Variants in CPNE4 observed in about 807,000 individuals in gnomAD.
The protein encoded by CPNE4 is copine-4.
A neutral mutation model predicts 67.9 loss-of-function variants in CPNE4; 25 were observed. The ratio of observed to expected loss-of-function variants is 0.37; its 90% CI spans 0.27 to 0.51. The LOEUF is 0.51. Ranked by LOEUF, CPNE4 falls within the 20% of genes least tolerant of loss-of-function variation. CPNE4 has a pLI of 0.93. For synonymous variants in CPNE4, 242 were observed against 244.9 expected (o/e 0.99, Z 0.11); for missense variants, 464 against 690.8 (o/e 0.67, Z 3.68).
intron 2 of CPNE4, among the ~76,000 whole-genome samples, chr3:131,839,694 G>C (rs2085698445): frequency 6.6e-6 from 1 of 151,944 alleles, no homozygotes; most frequent in African/African-American, 2.4e-5. Context: ...ACATGGGTTT[G>C]TCACAGCATA....
chr3:131,611,060 T>C (rs1032912083), intron 7 of CPNE4, among the ~76,000 whole-genome samples: 45 of 152,208 alleles, frequency 3.0e-4, no homozygotes, highest in African/African-American at 1.0e-3. Context: ...CCTGTTTTCT[T>C]ATAATCAGCA....
At chr3:131,595,937 A>G (rs1938816211) in intron 7 of CPNE4, among the ~76,000 whole-genome samples, 1 of 152,234 alleles carries the variant, frequency 6.6e-6, no homozygotes. Context: ...TACAATAGTC[A>G]AACTGATAGA....
chr3:131,993,472 C>A lies in CPNE4; in HGVS notation c.-2+41095G>T, dbSNP rs374947709. 7.9e-3 allele frequency among the ~76,000 whole-genome samples: 475 copies of A among 60,394 alleles called. 2 individuals carry two copies. The highest frequency in any genetic ancestry group is 9.8e-3 in the East Asian group (15 of 1,536). The allele number at this position is 60,394 out of a possible 152,430, so 39.6% of individuals were successfully genotyped here. ...ACCCTGATTTCGTGTGCAGGAGTGG[C>A]AAAAAAAAAAAAAAAAAGCATAGCT... On this transcript the variant is annotated intron_variant, in intron 1 of 15. Coordinates refer to ENST00000429747, the MANE Select transcript of CPNE4 (RefSeq NM_130808.3).
intron 1 of CPNE4, among the ~76,000 whole-genome samples, chr3:132,023,460 A>C (rs1485160313): frequency 6.6e-6 from 1 of 150,436 alleles, no homozygotes; most frequent in Non-Finnish European, 1.5e-5. Context: ...TTCAAAAGGC[A>C]ATTGCAAAGC....
At chr3:131,854,414 C>T (rs1397959092) in intron 2 of CPNE4, among the ~76,000 whole-genome samples, 1 of 151,830 alleles carries the variant, frequency 6.6e-6, no homozygotes. Flanking sequence ...GGTGATGAAA[C>T]TATTCTATAT....
intron 1 of CPNE4, among the ~76,000 whole-genome samples, chr3:131,952,144 A>G (rs1461599677): frequency 6.9e-6 from 1 of 145,510 alleles, no homozygotes; most frequent in Non-Finnish European, 1.5e-5. Context: ...CCGCCATCAC[A>G]TCTAGGAAGT....
intron 2 of CPNE4, among the ~76,000 whole-genome samples, chr3:131,848,666 CAAA>C (rs10565807): frequency 8.9e-4 from 124 of 139,998 alleles, no homozygotes; most frequent in Admixed American, 2.1e-3. Context: ...AATGTGCATC[CAAA>C]AAAAAAAAAA....
At chr3:131,545,200 C>T (rs1935756739) in intron 14 of CPNE4, among the ~76,000 whole-genome samples, 1 of 152,086 alleles carries the variant, frequency 6.6e-6, no homozygotes, top group Admixed American at 6.6e-5. Context: ...TTTAATGTCA[C>T]AAAATCTTCA....
At chr3:131,931,750 T>C (rs1560622680) in intron 1 of CPNE4, among the ~76,000 whole-genome samples, 1 of 152,128 alleles carries the variant, frequency 6.6e-6, no homozygotes, top group Non-Finnish European at 1.5e-5. Flanking sequence ...CTAAGACAAA[T>C]GCAGGGCATA....
intron 2 of CPNE4, among the ~76,000 whole-genome samples, chr3:131,726,143 AG>A: frequency 6.6e-6 from 1 of 152,360 alleles, no homozygotes; most frequent in East Asian, 1.9e-4. Context: ...TTTAGATGAT[AG>A]AAGACAGGTG....
At chr3:131,920,415 C>T (rs1560602609) in intron 1 of CPNE4, among the ~76,000 whole-genome samples, 1 of 152,150 alleles carries the variant, frequency 6.6e-6, no homozygotes, top group African/African-American at 2.4e-5. Context: ...CTTTCTCTCA[C>T]ACTAATTATC....
At chr3:131,670,850 T>C (rs1036435981) in intron 6 of CPNE4, among the ~76,000 whole-genome samples, 2 of 152,218 alleles carry the variant, frequency 1.3e-5, no homozygotes, top group African/African-American at 4.8e-5. Context: ...TTGCTTTTGT[T>C]GCCCAGGCTG....
chr3:132,036,916 T>A (rs1304408994), upstream of CPNE4, among the ~76,000 whole-genome samples: 2 of 152,186 alleles, frequency 1.3e-5, no homozygotes, highest in South Asian at 2.1e-4. Flanking sequence ...CTACTTACCA[T>A]CCCATTTAAT....
intron 7 of CPNE4, among the ~76,000 whole-genome samples, chr3:131,603,487 A>G (rs1939325792): frequency 6.6e-6 from 1 of 152,196 alleles, no homozygotes; most frequent in Admixed American, 6.5e-5. Context: ...ACAAATGCTA[A>G]GTAAGTAATA....
intron 1 of CPNE4, among the ~76,000 whole-genome samples, chr3:131,922,560 A>C (rs1442631665): frequency 6.6e-6 from 1 of 152,218 alleles, no homozygotes; most frequent in Admixed American, 6.5e-5. Flanking sequence ...GAAAACATGG[A>C]AACAGCATGC....
intron 2 of CPNE4, among the ~76,000 whole-genome samples, chr3:131,888,493 T>C (rs900927533): frequency 3.9e-5 from 6 of 152,092 alleles, no homozygotes; most frequent in Admixed American, 3.3e-4. Flanking sequence ...AGATAGGGAG[T>C]TGAACATTTC....
intron 7 of CPNE4, among the ~76,000 whole-genome samples, chr3:131,662,748 C>A (rs111486664): frequency 5.4e-4 from 82 of 152,256 alleles, no homozygotes; most frequent in Non-Finnish European, 1.0e-3. Context: ...AAATACAAAT[C>A]AAAACCACAA....
intron 5 of CPNE4, among the ~76,000 whole-genome samples, chr3:131,692,079 G>A (rs1319080721): frequency 6.6e-6 from 1 of 152,100 alleles, no homozygotes; most frequent in Non-Finnish European, 1.5e-5. Flanking sequence ...ATATTATTCT[G>A]CTTTTTTAGT....
At chr3:131,886,184 C>G (rs1903437) in intron 2 of CPNE4, among the ~76,000 whole-genome samples, 98,389 of 152,052 alleles carry the variant, frequency 0.65, 32,091 homozygotes, top group Admixed American at 0.73. Context: ...CTAGGGACTT[C>G]GTGCCCTGTG....
Sources: allele counts gnomAD v4.1 joint callset (sites outside exome capture counted in the v4.1 genomes callset), GRCh38; gene constraint gnomAD v4.1.1; transcripts MANE v1.5; gene names NCBI Gene and HGNC (gene_info 2026-07-23, HGNC 2026-07-21).